Variants in ZDHHC2 observed in about 807,000 individuals in gnomAD.
ZDHHC2 encodes the protein zDHHC palmitoyltransferase 2, also known as palmitoyltransferase ZDHHC2.
Under a neutral mutation model 55.6 loss-of-function variants are expected in ZDHHC2, and 51 were observed. That is an observed-to-expected ratio of 0.92 (90% confidence interval 0.73 to 1.16). The LOEUF is 1.16. Ranked by LOEUF, ZDHHC2 falls within the 50% of genes most tolerant of loss-of-function variation. ZDHHC2 has a pLI of 0.00. For synonymous variants in ZDHHC2, 199 were observed against 152.9 expected (o/e 1.30, Z -2.22); for missense variants, 491 against 442.4 (o/e 1.11, Z -0.99).
Position 17,197,454 on chromosome 8 carries a change from T to C in ZDHHC2, c.374-128T>C, listed in dbSNP as rs1806376671. ...TGTATTTAAACAGCATCAAATATCTTATTTTTTTACCATATTTAAATTTCA... is the reference window on the plus strand; with the variant it reads ...TGTATTTAAACAGCATCAAATATCTCATTTTTTTACCATATTTAAATTTCA... On this transcript the variant is annotated intron_variant, in intron 4 of 12. Coordinates refer to ENST00000262096, the MANE Select transcript of ZDHHC2 (RefSeq NM_016353.5). 5 of 804,842 alleles carry C rather than the reference T, an allele frequency of 6.2e-6. No homozygotes were observed. In the Admixed American group the frequency reaches 8.3e-5, roughly 13 times the overall value. 49.9% of individuals were successfully genotyped at this position (804,842 alleles called of 1,614,324 possible). A position where few individuals can be genotyped will look rare whatever the true frequency, so the allele number is the denominator to read the frequency against.
intron 1 of ZDHHC2, among the ~76,000 whole-genome samples, chr8:17,167,913 C>T (rs1202306894): frequency 1.3e-5 from 2 of 152,028 alleles, no homozygotes; most frequent in Non-Finnish European, 1.5e-5. Context: ...AACTGTAGTC[C>T]GTTTTAGTAG....
At chr8:17,200,155 C>T (rs964414418) in intron 6 of ZDHHC2, among the ~76,000 whole-genome samples, 1 of 152,168 alleles carries the variant, frequency 6.6e-6, no homozygotes, top group Non-Finnish European at 1.5e-5. Context: ...GAATTCATGG[C>T]ATCTGGTGAA....
intron 1 of ZDHHC2, among the ~76,000 whole-genome samples, chr8:17,170,373 G>A (rs1804800176): frequency 6.6e-6 from 1 of 152,144 alleles, no homozygotes; most frequent in Non-Finnish European, 1.5e-5. Context: ...ATCTCTTCCG[G>A]TGTGCCACTG....
At chr8:17,208,295 T>C (rs1807205183) in intron 8 of ZDHHC2, among the ~76,000 whole-genome samples, 1 of 149,504 alleles carries the variant, frequency 6.7e-6, no homozygotes, top group African/African-American at 2.4e-5. Context: ...CATATATATG[T>C]ATATATATAT....
intron 1 of ZDHHC2, among the ~76,000 whole-genome samples, chr8:17,180,793 C>A (rs1277050138): frequency 6.6e-6 from 1 of 152,130 alleles, no homozygotes; most frequent in East Asian, 1.9e-4. Flanking sequence ...CTCTTTGGTG[C>A]TATTATGCTT....
At chr8:17,202,400 T>TA (rs1344507141) in intron 6 of ZDHHC2, among the ~76,000 whole-genome samples, 1 of 152,136 alleles carries the variant, frequency 6.6e-6, no homozygotes, top group African/African-American at 2.4e-5. Context: ...AATTTTTTTT[T>TA]ACTTCAAAGG....
Position 17,221,980 on chromosome 8 carries a change from G to GTTTTTTTT in ZDHHC2, c.*1773_*1780dup, listed in dbSNP as rs34608913. ...TTAAGAATTATATGAAGTCAGGTTT[G>GTTTTTTTT]TTTTTTTTTTTTTTTTTTTTTCAAA... On this transcript the variant is annotated 3_prime_UTR_variant, in exon 13 of 13. Coordinates refer to ENST00000262096, the MANE Select transcript of ZDHHC2 (RefSeq NM_016353.5). 1 of 99,570 alleles carries GTTTTTTTT rather than the reference G, an allele frequency of 1.0e-5. No individual in the cohort carries two copies. Among genetic ancestry groups the GTTTTTTTT allele is most frequent in the Non-Finnish European group, 2.0e-5 (1 of 50,706 alleles). The allele number at this position is 99,570 out of a possible 1,614,324, so 6.2% of individuals were successfully genotyped here. A position where few individuals can be genotyped will look rare whatever the true frequency, so the allele number is the denominator to read the frequency against.
intron 7 of ZDHHC2, among the ~76,000 whole-genome samples, chr8:17,206,535 G>A (rs1807109607): frequency 6.6e-6 from 1 of 152,102 alleles, no homozygotes; most frequent in Non-Finnish European, 1.5e-5. Flanking sequence ...GACTATATAA[G>A]ATTTTTTTCA....
At chr8:17,184,026 A>G (rs1231382602) in intron 1 of ZDHHC2, among the ~76,000 whole-genome samples, 1 of 152,194 alleles carries the variant, frequency 6.6e-6, no homozygotes, top group East Asian at 1.9e-4. Flanking sequence ...AAAAATATAC[A>G]AAGTCAGACT....
Position 17,223,444 on chromosome 8 carries a change from C to T in ZDHHC2, c.*3223C>T, listed in dbSNP as rs1354789429. The T allele has an allele frequency of 6.6e-6, 1 of 151,870 alleles. No individual in the cohort carries two copies. Among genetic ancestry groups the T allele is most frequent in the African/African-American group, 2.4e-5 (1 of 41,436 alleles). 9.4% of individuals were successfully genotyped at this position (151,870 alleles called of 1,614,324 possible). On this transcript the variant is annotated 3_prime_UTR_variant, in exon 13 of 13. Transcript: ENST00000262096. ...CAAATAACACGTGTTTAATATCTTTCTGCAGAAACGTGTTCTTCTAAAGCA... is the reference window on the plus strand; with the variant it reads ...CAAATAACACGTGTTTAATATCTTTTTGCAGAAACGTGTTCTTCTAAAGCA...
At position 17,189,208 on chromosome 8, in the gene ZDHHC2, A is replaced by G. The variant is rs556988183; in HGVS notation, c.252+2783A>G. On this transcript the variant is annotated intron_variant, in intron 3 of 12. Transcript: ENST00000262096. ...GTGATCCTTTCAAAAGACAAGGCAA[A>G]TCTCTCACCTTTTTGATGTCTTTAT... 4.8e-5 allele frequency among the ~76,000 whole-genome samples: 7 copies of G among 146,578 alleles called. No homozygotes were observed. In the South Asian group the frequency reaches 1.5e-3, roughly 31 times the overall value.
chr8:17,172,042 G>A (rs549829459), intron 1 of ZDHHC2, among the ~76,000 whole-genome samples: 9 of 152,034 alleles, frequency 5.9e-5, no homozygotes, highest in Non-Finnish European at 1.3e-4. Flanking sequence ...TATATCCGCA[G>A]TTCCCAGGAA....
At chr8:17,176,440 G>T (rs1241887393) in intron 1 of ZDHHC2, among the ~76,000 whole-genome samples, 1 of 152,040 alleles carries the variant, frequency 6.6e-6, no homozygotes, top group African/African-American at 2.4e-5. Context: ...TTTTGCCTTA[G>T]GTCTTCAAAA....
chr8:17,204,237 C>T (rs1031379081), intron 6 of ZDHHC2, among the ~76,000 whole-genome samples: 2 of 152,118 alleles, frequency 1.3e-5, no homozygotes, highest in African/African-American at 4.8e-5. Flanking sequence ...TTCACATGAA[C>T]ATGGTTTCAT....
chr8:17,199,509 T>TTCTTCATCTTCG (rs1297662337), intron 6 of ZDHHC2, among the ~76,000 whole-genome samples: 8 of 121,116 alleles, frequency 6.6e-5, no homozygotes, highest in African/African-American at 2.6e-4. Context: ...CTTCTTCTTC[T>TTCTTCATCTTCG]TCTTCGTCTT....
At chr8:17,202,539 G>A (rs3793425) in intron 6 of ZDHHC2, among the ~76,000 whole-genome samples, 110,416 of 152,018 alleles carry the variant, frequency 0.73, 42,153 homozygotes, top group Non-Finnish European at 0.87. Context: ...TTCCTAGAAC[G>A]TGTTTTGTTT....
chr8:17,177,597 T>C (rs1163772138), intron 1 of ZDHHC2, among the ~76,000 whole-genome samples: 1 of 152,260 alleles, frequency 6.6e-6, no homozygotes, highest in Non-Finnish European at 1.5e-5. Context: ...AGGTAGAGTC[T>C]TATTTACCAT....
intron 6 of ZDHHC2, among the ~76,000 whole-genome samples, chr8:17,201,303 T>G (rs1806748545): frequency 6.6e-6 from 1 of 152,012 alleles, no homozygotes; most frequent in Non-Finnish European, 1.5e-5. Flanking sequence ...ACTACACTAT[T>G]GATTGAATCT....
intron 6 of ZDHHC2, 124 bp from the exon 7 acceptor site, chr8:17,205,531 T>G: frequency 7.2e-6 from 8 of 1,117,144 alleles, no homozygotes; most frequent in Non-Finnish European, 9.7e-6. Flanking sequence ...AGAAATCTTA[T>G]GAGTTATATT....
Sources: gnomAD v4.1 joint callset for allele counts (sites outside exome capture counted in the v4.1 genomes callset) on GRCh38, gnomAD v4.1.1 for gene constraint, MANE v1.5 for transcripts, NCBI Gene and HGNC (gene_info 2026-07-23, HGNC 2026-07-21) for gene names.